Variants in THBS4 observed in about 807,000 individuals in gnomAD.
THBS4 encodes thrombospondin 4.
Under a neutral mutation model 115.7 loss-of-function variants are expected in THBS4, and 90 were observed. That is an observed-to-expected ratio of 0.78 (90% CI 0.66 to 0.93). The LOEUF (loss-of-function observed/expected upper bound fraction) is 0.93. Ranked by LOEUF, THBS4 falls within the 40% of genes least tolerant of loss-of-function variation. THBS4 has a pLI of 0.00. For synonymous variants in THBS4, 460 were observed against 479.3 expected (o/e 0.96, Z 0.53); for missense variants, 1,087 against 1,232.7 (o/e 0.88, Z 1.77).
At chr5:80,042,578 A>G (rs1223859857) in intron 2 of THBS4, among the ~76,000 whole-genome samples, 1 of 152,208 alleles carries the variant, frequency 6.6e-6, no homozygotes, top group Non-Finnish European at 1.5e-5. Flanking sequence ...CAGTTTGTAT[A>G]GACAAGAGTA....
At chr5:80,072,005 A>G (rs1834078914) in intron 13 of THBS4, 1 of 389,246 alleles carries the variant, frequency 2.6e-6, no homozygotes, top group South Asian at 2.8e-5. Flanking sequence ...GGTCAGCCAT[A>G]CAGCCATCAT....
intron 16 of THBS4, among the ~76,000 whole-genome samples, chr5:80,077,754 T>C (rs1743285541): frequency 6.6e-6 from 1 of 152,200 alleles, no homozygotes; most frequent in Non-Finnish European, 1.5e-5. Flanking sequence ...GTTGGTGAAC[T>C]CAACTGTAGG....
chr5:80,016,512 G>T (rs951623014), intron 2 of THBS4, among the ~76,000 whole-genome samples: 1 of 152,220 alleles, frequency 6.6e-6, no homozygotes, highest in East Asian at 1.9e-4. Flanking sequence ...ACAAAATCTT[G>T]TAACAAATTC....
chr5:80,036,069 C>A (rs1028011821), intron 1 of THBS4: 4 of 989,300 alleles, frequency 4.0e-6, no homozygotes, highest in African/African-American at 1.7e-5. Context: ...CTGAGAAAGA[C>A]GCAGAATTAC....
At chr5:80,058,910 G>C (rs1229658825) in intron 5 of THBS4, 120 bp downstream of exon 5, 1 of 900,074 alleles carries the variant, frequency 1.1e-6, no homozygotes, top group East Asian at 2.6e-5. Context: ...ATCTCCGGGG[G>C]CCCACGCAGC....
chr5:80,006,000 C>T (rs144088326), intron 2 of THBS4, among the ~76,000 whole-genome samples: 4 of 152,086 alleles, frequency 2.6e-5, no homozygotes, highest in African/African-American at 7.2e-5. Context: ...CTCTTGACCT[C>T]GTGATCCACT....
At chr5:80,019,108 G>C (rs1038240624) in intron 2 of THBS4, among the ~76,000 whole-genome samples, 1 of 150,228 alleles carries the variant, frequency 6.7e-6, no homozygotes. Flanking sequence ...AACTATAGTA[G>C]CATGAATTTG....
rs1430448601 is a variant in THBS4 at position 80,083,250 on chromosome 5, G to C, written c.*109G>C. The C allele has an allele frequency of 6.3e-6, 6 of 953,110 alleles. No homozygotes were observed. Among genetic ancestry groups the C allele is most frequent in the Non-Finnish European group, 1.0e-5 (6 of 594,168 alleles). 59.0% of individuals were successfully genotyped at this position (953,110 alleles called of 1,614,324 possible). A position where few individuals can be genotyped will look rare whatever the true frequency, so the allele number is the denominator to read the frequency against. ...CCAAATATATCAAAACGTTTTATGT[G>C]AATGTGGCAATAAAGGAGAAGAGAT... On this transcript the variant is annotated 3_prime_UTR_variant, in exon 22 of 22. Transcript: ENST00000350881.
At chr5:80,039,388 T>C (rs899066805) in intron 1 of THBS4, among the ~76,000 whole-genome samples, 35 of 152,274 alleles carry the variant, frequency 2.3e-4, no homozygotes, top group East Asian at 3.8e-4. Context: ...AAGCAACTTA[T>C]ACAAATACAA....
chr5:80,024,465 G>A (rs1256228158), intron 2 of THBS4, among the ~76,000 whole-genome samples: 4 of 152,106 alleles, frequency 2.6e-5, no homozygotes, highest in African/African-American at 4.8e-5. Flanking sequence ...GGTAGCTATC[G>A]TTCCCATTTC....
chr5:80,017,016 A>T (rs943945963), intron 2 of THBS4, among the ~76,000 whole-genome samples: 1 of 152,234 alleles, frequency 6.6e-6, no homozygotes, highest in African/African-American at 2.4e-5. Flanking sequence ...TTTAAGACAG[A>T]TGATAAGAAC....
At chr5:80,024,710 GA>G (rs1832441235) in intron 2 of THBS4, among the ~76,000 whole-genome samples, 1 of 152,002 alleles carries the variant, frequency 6.6e-6, no homozygotes, top group African/African-American at 2.4e-5. Flanking sequence ...AAAATACAGA[GA>G]AAAAAAGCAA....
At chr5:79,996,690 C>G (rs76055086) in intron 1 of THBS4, among the ~76,000 whole-genome samples, 1,828 of 152,220 alleles carry the variant, frequency 0.012, 36 homozygotes, top group African/African-American at 0.041. Flanking sequence ...CATTTTGCTC[C>G]TCCAGCATAG....
chr5:80,046,814 G>A (rs1833082790), intron 2 of THBS4, among the ~76,000 whole-genome samples: 1 of 152,114 alleles, frequency 6.6e-6, no homozygotes, highest in South Asian at 2.1e-4. Flanking sequence ...CTCTGTCTTG[G>A]GTATTGAACT....
intron 2 of THBS4, among the ~76,000 whole-genome samples, chr5:80,020,174 C>G (rs150511116): frequency 1.1e-3 from 166 of 152,230 alleles, no homozygotes; most frequent in African/African-American, 3.9e-3. Flanking sequence ...TGAAAAGCCA[C>G]CTTTTAAAAG....
At chr5:80,076,670 GA>G (rs1743232127) in intron 15 of THBS4, among the ~76,000 whole-genome samples, 184 bp from the exon 16 acceptor site, 1 of 152,152 alleles carries the variant, frequency 6.6e-6, no homozygotes, top group Non-Finnish European at 1.5e-5. Flanking sequence ...AGAGGTTGGG[GA>G]TGGGAAAATT....
At chr5:80,004,271 G>T (rs1277775607) in intron 2 of THBS4, among the ~76,000 whole-genome samples, 1 of 152,232 alleles carries the variant, frequency 6.6e-6, no homozygotes, top group Non-Finnish European at 1.5e-5. Flanking sequence ...TTAGAAGGAT[G>T]ATGAATGTGT....
chr5:79,994,278 G>A (rs1831745105), intron 1 of THBS4, among the ~76,000 whole-genome samples: 1 of 152,096 alleles, frequency 6.6e-6, no homozygotes, highest in Non-Finnish European at 1.5e-5. Context: ...TACCCATATA[G>A]CCAGTAGGTG....
chr5:80,003,298 A>C, intron 2 of THBS4, among the ~76,000 whole-genome samples: 1 of 152,222 alleles, frequency 6.6e-6, no homozygotes, highest in East Asian at 1.9e-4. Flanking sequence ...AGATTCGGGC[A>C]ATATTTAGGG....
Sources: allele counts gnomAD v4.1 joint callset (sites outside exome capture counted in the v4.1 genomes callset), GRCh38; gene constraint gnomAD v4.1.1; transcripts MANE v1.5; gene names NCBI Gene and HGNC (gene_info 2026-07-23, HGNC 2026-07-21).